The following CCDC197 variants were observed in gnomAD, a reference collection of about 807,000 sequenced individuals.
The protein encoded by CCDC197 is uncharacterized protein CCDC197.
In CCDC197, 24 loss-of-function variants were observed where a neutral mutation model predicts 13.4. The ratio of observed to expected loss-of-function variants is 1.80; its 90% CI spans 1.30 to 2.53. The LOEUF (loss-of-function observed/expected upper bound fraction) is 2.53, where lower values mean the gene tolerates loss of function less well. CCDC197 is among the 30% of genes most tolerant of loss of function. The probability of loss-of-function intolerance (pLI) is 0.00; values close to 1 mark genes in which losing one functional copy is unlikely to be tolerated. For synonymous variants in CCDC197, 99 were observed against 55.5 expected, an observed-to-expected ratio of 1.78 and a Z score of -3.48; for missense variants, 255 against 148.8, an observed-to-expected ratio of 1.71 and a Z score of -3.71.
In CCDC197 at chr14:93,999,666, G is replaced by C. The variant is rs368158733; in HGVS notation, c.187+1G>C. ...AAGGTCCTTGAGAAAATCCCCGAGG[G>C]TATGTACACAGCTTCCTCGGAAAGC... On this transcript the variant is annotated splice_donor_variant, in intron 3 of 6. Coordinates refer to ENST00000636493, the MANE Select transcript of CCDC197 (RefSeq NM_001351596.2). LOFTEE classifies it high-confidence loss of function. 1.3e-6 allele frequency: 1 copy of C among 780,990 alleles called. No individual in the cohort carries two copies. Among genetic ancestry groups the C allele is most frequent in the South Asian group, 1.3e-5 (1 of 74,616 alleles). 48.4% of individuals were successfully genotyped at this position (780,990 alleles called of 1,614,324 possible).
intron 1 of CCDC197, among the ~76,000 whole-genome samples, chr14:93,989,045 G>C (rs1196126841): frequency 6.6e-6 from 1 of 152,006 alleles, no homozygotes; most frequent in Non-Finnish European, 1.5e-5. Flanking sequence ...CAAAGAGATT[G>C]TGTAAACTGC....
intron 2 of CCDC197, 198 bp from the exon 3 acceptor site, chr14:93,999,385 C>A: frequency 1.8e-6 from 1 of 555,832 alleles, no homozygotes. Context: ...TTTATTTGAT[C>A]TGCTTGTGGC....
At chr14:94,000,097 G>A (rs1471095790) in intron 3 of CCDC197, among the ~76,000 whole-genome samples, 1 of 152,158 alleles carries the variant, frequency 6.6e-6, no homozygotes, top group Non-Finnish European at 1.5e-5. Context: ...GGACATCTGA[G>A]ATGAGGTTTT....
In CCDC197 at chr14:94,003,026, A is replaced by G. The variant is rs998499047; in HGVS notation, c.367-197A>G. On this transcript the variant is annotated intron_variant, in intron 4 of 6. Coordinates refer to ENST00000636493, the MANE Select transcript of CCDC197 (RefSeq NM_001351596.2). The surrounding 1 kb of genome is among the most constrained non-coding windows in gnomAD (Gnocchi z 5.0). ...GGGAACTCCCCTTTATAAAATTATC[A>G]GGAACTGGGGCTCAGGTAAACTCCA... Among the ~76,000 whole-genome samples the G allele has an allele frequency of 6.6e-6, 1 of 152,116 alleles. No homozygotes were observed. Among genetic ancestry groups the G allele is most frequent in the African/African-American group, 2.4e-5 (1 of 41,428 alleles).
At chr14:93,988,591 T>G (rs1378471996) in intron 1 of CCDC197, among the ~76,000 whole-genome samples, 1 of 3,790 alleles carries the variant, frequency 2.6e-4, no homozygotes, top group Middle Eastern at 0.1. Context: ...GAGGAGGGGA[T>G]AGGAGAGGAT....
chr14:93,988,341 A>G (rs2141337355), intron 1 of CCDC197, among the ~76,000 whole-genome samples: 1 of 73,072 alleles, frequency 1.4e-5, no homozygotes, highest in African/African-American at 5.8e-5. Flanking sequence ...AGGGAGGAGC[A>G]GATGGGAGGA....
chr14:93,992,420 C>A (rs1263602767), upstream of CCDC197, among the ~76,000 whole-genome samples: 2 of 152,126 alleles, frequency 1.3e-5, no homozygotes, highest in Non-Finnish European at 2.9e-5. Context: ...ATGACTTGAA[C>A]CCAGGCCTGC....
Position 94,001,231 on chromosome 14 carries a change from A to T in CCDC197, c.274A>T (p.Thr92Ser), listed in dbSNP as rs888284110. Residue 92 changes from threonine to serine, a missense_variant, in exon 4 of 7, where the codon ACG becomes TCG. Transcript: ENST00000636493. ...YGKLFTASQD[T>S]QKRLEAFCQM... ...GAAGCTCTTCACAGCCAGCCAGGAC[A>T]CGCAGAAGCGCCTCGAGGCCTTCTG... 1.3e-6 allele frequency: 1 copy of T among 780,958 alleles called. No homozygotes were observed. The highest frequency in any genetic ancestry group is 2.4e-6 in the Non-Finnish European group (1 of 418,068). 48.4% of individuals were successfully genotyped at this position (780,958 alleles called of 1,614,324 possible). A position where few individuals can be genotyped will look rare whatever the true frequency, so the allele number is the denominator to read the frequency against.
At chr14:93,994,841 A>G (rs988337807), upstream of CCDC197, among the ~76,000 whole-genome samples, 1 of 152,206 alleles carries the variant, frequency 6.6e-6, no homozygotes, top group Admixed American at 6.5e-5. Flanking sequence ...TGAAGGTCCC[A>G]TAACCAGAGG....
chr14:93,989,418 C>T (rs1383268438), intron 1 of CCDC197, among the ~76,000 whole-genome samples: 1 of 152,108 alleles, frequency 6.6e-6, no homozygotes, highest in Admixed American at 6.5e-5. Flanking sequence ...CATGCCTCTC[C>T]CTAGAGCAGA....
Position 93,998,101 on chromosome 14 carries a change from GTCC to G in CCDC197, c.-26_-24del, listed in dbSNP as rs780911825. 7 of 780,072 alleles carry G rather than the reference GTCC, an allele frequency of 9.0e-6. No individual in the cohort carries two copies. The African/African-American group carries it at 1.0e-4, about 11-fold the overall frequency. 48.3% of individuals were successfully genotyped at this position (780,072 alleles called of 1,614,324 possible). ...ATCCTGCCTGACTCACGGGTCTCCT[GTCC>G]TCCTGCATAGCTTGCGGTGGTGAGG... is the stretch of plus-strand genomic sequence containing the variant. On this transcript the variant is annotated 5_prime_UTR_variant, in exon 2 of 7. Coordinates refer to ENST00000636493, the MANE Select transcript of CCDC197 (RefSeq NM_001351596.2).
At chr14:93,989,643 C>A (rs1468951043) in intron 1 of CCDC197, among the ~76,000 whole-genome samples, 3 of 152,196 alleles carry the variant, frequency 2.0e-5, no homozygotes, top group African/African-American at 7.2e-5. Flanking sequence ...GTTCCTCATG[C>A]CCACCTGGGT....
At chr14:93,993,882 G>A (rs1030867590), upstream of CCDC197, among the ~76,000 whole-genome samples, 8 of 152,196 alleles carry the variant, frequency 5.3e-5, no homozygotes, top group African/African-American at 1.9e-4. Context: ...TGGGAGGTGA[G>A]AGACCTGCGC....
At chr14:94,004,685 G>A (rs532698505) in intron 5 of CCDC197, among the ~76,000 whole-genome samples, 170 bp from the exon 6 acceptor site, 7 of 152,310 alleles carry the variant, frequency 4.6e-5, no homozygotes, top group African/African-American at 1.4e-4. Flanking sequence ...CTGACGTAGG[G>A]AGGAACTCAA....
Position 93,999,659 on chromosome 14 carries a change from C to G in CCDC197, c.181C>G (p.Pro61Ala), listed in dbSNP as rs1890431511. The G allele has an allele frequency of 1.3e-6, 1 of 780,898 alleles. No individual in the cohort carries two copies. Among genetic ancestry groups the G allele is most frequent in the African/African-American group, 1.7e-5 (1 of 59,124 alleles). 48.4% of individuals were successfully genotyped at this position (780,898 alleles called of 1,614,324 possible). ...DYLIKVLEKI[P>A]EGCTGWEEPE... ...TCTGATTAAGGTCCTTGAGAAAATC[C>G]CCGAGGGTATGTACACAGCTTCCTC... Residue 61 changes from proline to alanine, a missense_variant, in exon 3 of 7, where the codon CCC (proline) becomes GCC (alanine). By Grantham distance (27) the Pro-to-Ala change is conservative. Coordinates refer to ENST00000636493, the MANE Select transcript of CCDC197 (RefSeq NM_001351596.2).
rs954655469 is a variant in CCDC197 at position 94,003,862 on chromosome 14, A to T, written c.498+508A>T. Among the ~76,000 whole-genome samples, 39 of 152,192 alleles carry T rather than the reference A, an allele frequency of 2.6e-4. No individual in the cohort carries two copies. Among genetic ancestry groups the T allele is most frequent in the African/African-American group, 7.5e-4 (31 of 41,452 alleles). On this transcript the variant is annotated intron_variant, in intron 5 of 6. Coordinates refer to ENST00000636493, the MANE Select transcript of CCDC197 (RefSeq NM_001351596.2). This position sits in a 1 kb window ranked among gnomAD's most constrained non-coding sequence, Gnocchi z 5.0. ...AGCTCTGCCAAGAACCAGAGCCGGG[A>T]TCCACCGGCCCAGTCCCAGGGCTTG... is the stretch of plus-strand genomic sequence containing the variant.
In CCDC197 at chr14:94,003,210, C is replaced by T; in HGVS notation, c.367-13C>T. On this transcript the variant is annotated splice_polypyrimidine_tract_variant and intron_variant, in intron 4 of 6. Transcript: ENST00000636493. This position sits in a 1 kb window ranked among gnomAD's most constrained non-coding sequence, Gnocchi z 5.0. ...GTTTGTTGTACCAAGATGGCCCATTCCCTCTGCCCCAGAGCCTCAAGATCC... is the reference window on the plus strand; with the variant it reads ...GTTTGTTGTACCAAGATGGCCCATTTCCTCTGCCCCAGAGCCTCAAGATCC... The T allele has an allele frequency of 1.3e-6, 1 of 778,962 alleles. No homozygotes were observed. Among genetic ancestry groups the T allele is most frequent in the Non-Finnish European group, 2.4e-6 (1 of 417,322 alleles). 48.3% of individuals were successfully genotyped at this position (778,962 alleles called of 1,614,324 possible). A position where few individuals can be genotyped will look rare whatever the true frequency, so the allele number is the denominator to read the frequency against.
intron 3 of CCDC197, chr14:94,000,809 A>C: frequency 4.8e-6 from 1 of 209,242 alleles, no homozygotes; most frequent in Non-Finnish European, 9.4e-6. Context: ...CAGGACAGGA[A>C]CAATTCCTAT....
At chr14:93,991,316 T>C (rs961950171) in intron 1 of CCDC197, among the ~76,000 whole-genome samples, 4 of 152,156 alleles carry the variant, frequency 2.6e-5, no homozygotes, top group Admixed American at 2.6e-4. Flanking sequence ...GAGATCCTAG[T>C]ATGACAGACA....
Sources: gnomAD v4.1 joint callset for allele counts (sites outside exome capture counted in the v4.1 genomes callset) on GRCh38, gnomAD v4.1.1 for gene constraint, Gnocchi (gnomAD v3.1) non-coding constraint, MANE v1.5 for transcripts, NCBI Gene and HGNC (gene_info 2026-07-23, HGNC 2026-07-21) for gene names.